The following RERG variants were observed in gnomAD, a reference collection of about 807,000 sequenced individuals.
The protein encoded by RERG is RAS like estrogen regulated growth inhibitor.
RERG carries 25 observed loss-of-function variants against 23.2 expected under a neutral mutation model. That is an observed-to-expected ratio of 1.08 (90% CI 0.79 to 1.50). RERG has a LOEUF of 1.50. Among genes scored for constraint, RERG ranks in the 40% most tolerant of loss-of-function variants. The probability of loss-of-function intolerance (pLI) is 0.00; values close to 1 mark genes in which losing one functional copy is unlikely to be tolerated. For missense variants in RERG, 253 were observed against 250.1 expected (o/e 1.01, Z -0.08); for synonymous variants, 81 against 89.1 (o/e 0.91, Z 0.51).
intron 2 of RERG, among the ~76,000 whole-genome samples, chr12:15,153,035 T>G (rs1351596632): frequency 6.6e-6 from 1 of 152,152 alleles, no homozygotes; most frequent in Non-Finnish European, 1.5e-5. Flanking sequence ...ATTTATGGTC[T>G]AAGAATGAGG....
At chr12:15,150,473 T>C (rs1864421864) in intron 2 of RERG, among the ~76,000 whole-genome samples, 2 of 152,290 alleles carry the variant, frequency 1.3e-5, no homozygotes, top group Middle Eastern at 6.8e-3. Context: ...ATCTAACTCA[T>C]AGGATTGTTA....
intron 2 of RERG, among the ~76,000 whole-genome samples, chr12:15,140,038 G>T (rs1864210169): frequency 6.6e-6 from 1 of 152,062 alleles, no homozygotes; most frequent in African/African-American, 2.4e-5. Flanking sequence ...TTAAATGTTT[G>T]GTAGAATTCT....
intron 2 of RERG, among the ~76,000 whole-genome samples, chr12:15,192,646 G>C (rs555677175): frequency 6.6e-6 from 1 of 152,204 alleles, no homozygotes; most frequent in East Asian, 1.9e-4. Context: ...GATTTCACCA[G>C]TTTTTTCCAA....
intron 2 of RERG, among the ~76,000 whole-genome samples, chr12:15,195,083 C>T (rs1865124448): frequency 6.6e-6 from 1 of 152,090 alleles, no homozygotes; most frequent in African/African-American, 2.4e-5. Flanking sequence ...CAAATTAATG[C>T]TTGCAAAGTG....
chr12:15,112,735 T>C (rs1411038472), intron 3 of RERG, among the ~76,000 whole-genome samples: 1 of 152,084 alleles, frequency 6.6e-6, no homozygotes, highest in African/African-American at 2.4e-5. Flanking sequence ...TAATAAAAGG[T>C]ATGGATAATA....
intron 2 of RERG, among the ~76,000 whole-genome samples, chr12:15,193,623 T>C (rs1352702584): frequency 6.6e-6 from 1 of 152,182 alleles, no homozygotes; most frequent in Non-Finnish European, 1.5e-5. Flanking sequence ...CAAAGAAAGA[T>C]AAACTCAAGA....
intron 1 of RERG, among the ~76,000 whole-genome samples, chr12:15,218,678 C>G (rs1274295971): frequency 1.3e-5 from 2 of 151,946 alleles, no homozygotes; most frequent in Non-Finnish European, 2.9e-5. Flanking sequence ...AACAAGTCAA[C>G]TTTTTCTTTC....
At chr12:15,212,161 G>A (rs1865376846) in intron 2 of RERG, among the ~76,000 whole-genome samples, 1 of 142,260 alleles carries the variant, frequency 7.0e-6, no homozygotes. Context: ...CCGGGTTCAC[G>A]CCATTCTCCT....
rs1555119494 is a variant in RERG, at chr12:15,117,675, G to GTGCGCGCA, written c.118+3387_118+3388insTGCGCGCA. 2.8e-3 allele frequency among the ~76,000 whole-genome samples: 406 copies of GTGCGCGCA among 145,130 alleles called. 2 individuals are homozygous for GTGCGCGCA. Among genetic ancestry groups the GTGCGCGCA allele is most frequent in the African/African-American group, 6.1e-3 (222 of 36,362 alleles). ...CTCCAAATGCCTCCATCACACACGC[G>GTGCGCGCA]CACACACACACACACACACACACAC... On this transcript the variant is annotated intron_variant, in intron 3 of 4. Transcript: ENST00000256953.
intron 2 of RERG, among the ~76,000 whole-genome samples, chr12:15,214,767 A>G (rs1336047744): frequency 1.3e-5 from 2 of 152,150 alleles, no homozygotes; most frequent in Non-Finnish European, 2.9e-5. Context: ...GGATCTCTTG[A>G]GCCCAGGAGT....
At chr12:15,180,848 T>C (rs765080995) in intron 2 of RERG, among the ~76,000 whole-genome samples, 18 of 152,152 alleles carry the variant, frequency 1.2e-4, no homozygotes, top group Non-Finnish European at 2.2e-4. Flanking sequence ...ATACTCTTGC[T>C]CCAAACTGGG....
At chr12:15,209,071 G>C (rs1865332309) in intron 2 of RERG, among the ~76,000 whole-genome samples, 1 of 152,146 alleles carries the variant, frequency 6.6e-6, no homozygotes. Flanking sequence ...GCAGTCCATG[G>C]AGGAACACAA....
At chr12:15,166,776 CTT>C (rs759874317) in intron 2 of RERG, among the ~76,000 whole-genome samples, 2 of 142,694 alleles carry the variant, frequency 1.4e-5, no homozygotes, top group African/African-American at 5.1e-5. Flanking sequence ...GACTAGATCA[CTT>C]TTTTTTTTTT....
intron 2 of RERG, among the ~76,000 whole-genome samples, chr12:15,172,573 A>G (rs973236527): frequency 6.6e-6 from 1 of 152,088 alleles, no homozygotes; most frequent in African/African-American, 2.4e-5. Flanking sequence ...AAATAGCTAC[A>G]CTATTTTACA....
chr12:15,189,009 C>T (rs938809270), intron 2 of RERG, among the ~76,000 whole-genome samples: 1 of 152,122 alleles, frequency 6.6e-6, no homozygotes, highest in Non-Finnish European at 1.5e-5. Context: ...AAGTCCACTA[C>T]GATGTTGTGT....
chr12:15,117,669 A>ACGCGCGCGCGCGCG (rs1863748899), intron 3 of RERG, among the ~76,000 whole-genome samples: 1 of 48,480 alleles, frequency 2.1e-5, no homozygotes, highest in African/African-American at 8.4e-5. Context: ...CCTCCATCAC[A>ACGCGCGCGCGCGCG]CACGCGCACA....
At chr12:15,147,090 G>C (rs1266933083) in intron 2 of RERG, among the ~76,000 whole-genome samples, 3 of 151,212 alleles carry the variant, frequency 2.0e-5, no homozygotes, top group Non-Finnish European at 2.9e-5. Flanking sequence ...AAAAATTTAA[G>C]GCTATGTTTA....
At chr12:15,163,775 T>C (rs1416463173) in intron 2 of RERG, among the ~76,000 whole-genome samples, 3 of 151,806 alleles carry the variant, frequency 2.0e-5, no homozygotes, top group Non-Finnish European at 2.9e-5. Context: ...GAAGCTGGAG[T>C]CAGTGAAGAC....
intron 2 of RERG, among the ~76,000 whole-genome samples, chr12:15,191,953 T>G (rs1865076918): frequency 6.6e-6 from 1 of 152,130 alleles, no homozygotes; most frequent in Non-Finnish European, 1.5e-5. Context: ...TGCTGTTGAA[T>G]GAACAAATGC....
Sources: allele counts gnomAD v4.1 joint callset (sites outside exome capture counted in the v4.1 genomes callset), GRCh38; gene constraint gnomAD v4.1.1; transcripts MANE v1.5; gene names NCBI Gene and HGNC (gene_info 2026-07-23, HGNC 2026-07-21).